UST: variants seen among roughly 807,000 people sequenced by gnomAD.
The protein encoded by UST is uronyl 2-sulfotransferase.
A neutral mutation model predicts 45.6 loss-of-function variants in UST; 21 were observed. The observed-to-expected ratio is 0.46, with a 90% CI of 0.33 to 0.66. The LOEUF is 0.66. UST is among the 30% of genes least tolerant of loss of function. The pLI is 0.02. For missense variants in UST, 463 were observed against 512.4 expected, an observed-to-expected ratio of 0.90 and a Z score of 0.93; for synonymous variants, 215 against 200.6, an observed-to-expected ratio of 1.07 and a Z score of -0.61.
At chr6:148,890,586 A>G (rs1303864857) in intron 2 of UST, among the ~76,000 whole-genome samples, 1 of 152,206 alleles carries the variant, frequency 6.6e-6, no homozygotes, top group Admixed American at 6.5e-5. Flanking sequence ...TAAATGTTCA[A>G]TTTCACAAGT....
chr6:148,862,941 A>G (rs1358531316), intron 1 of UST, among the ~76,000 whole-genome samples: 1 of 151,884 alleles, frequency 6.6e-6, no homozygotes, highest in African/African-American at 2.4e-5. Flanking sequence ...TTTTTCCTTC[A>G]TTTCAACTTT....
At chr6:149,037,785 C>G (rs528735621) in intron 7 of UST, among the ~76,000 whole-genome samples, 1 of 152,296 alleles carries the variant, frequency 6.6e-6, no homozygotes, top group East Asian at 1.9e-4. Context: ...TTATTTTTAT[C>G]GTCATTTACA....
intron 2 of UST, among the ~76,000 whole-genome samples, chr6:148,894,690 T>C (rs1223894413): frequency 5.9e-5 from 9 of 152,130 alleles, no homozygotes; most frequent in African/African-American, 2.4e-5. Flanking sequence ...GCAATGCAAA[T>C]GGATTGAGTT....
At position 148,908,721 on chromosome 6, in the gene UST, A is replaced by G. The variant is rs1035685233; in HGVS notation, c.291+21692A>G. Among the ~76,000 whole-genome samples, 3 of 152,326 alleles carry G rather than the reference A, an allele frequency of 2.0e-5. No homozygotes were observed. The East Asian group carries it at 5.8e-4, about 29-fold the overall frequency. ...TCAGTTATGCAGACAACATATTTTC[A>G]GCTACCTATATCTAGTTCAAAACGT... On this transcript the variant is annotated intron_variant, in intron 2 of 7. Transcript: ENST00000367463.
intron 1 of UST, among the ~76,000 whole-genome samples, chr6:148,849,938 A>G (rs969795924): frequency 6.6e-6 from 1 of 152,138 alleles, no homozygotes; most frequent in African/African-American, 2.4e-5. Flanking sequence ...ATAGTTACAT[A>G]TATATAGTTA....
chr6:149,041,523 C>G (rs1776314723), intron 7 of UST, among the ~76,000 whole-genome samples: 1 of 152,188 alleles, frequency 6.6e-6, no homozygotes, highest in South Asian at 2.1e-4. Flanking sequence ...GAGGGAACCC[C>G]TCTCCTCCAG....
At chr6:148,864,743 A>T (rs777508597) in intron 1 of UST, among the ~76,000 whole-genome samples, 3 of 152,184 alleles carry the variant, frequency 2.0e-5, no homozygotes, top group Non-Finnish European at 2.9e-5. Context: ...GTTTCAGAAA[A>T]TGTCATGATT....
intron 2 of UST, among the ~76,000 whole-genome samples, chr6:148,892,851 T>C (rs536431941): frequency 9.2e-5 from 14 of 152,284 alleles, no homozygotes; most frequent in African/African-American, 3.1e-4. Flanking sequence ...TTTCAAGATA[T>C]AGGAATAATA....
At chr6:148,985,108 A>T (rs1273933009) in intron 5 of UST, among the ~76,000 whole-genome samples, 4 of 152,180 alleles carry the variant, frequency 2.6e-5, no homozygotes, top group African/African-American at 9.7e-5. Flanking sequence ...GGATATGCTG[A>T]GTTTCAGGTG....
intron 2 of UST, among the ~76,000 whole-genome samples, chr6:148,902,105 A>C (rs1405734960): frequency 1.3e-5 from 2 of 152,134 alleles, no homozygotes; most frequent in Admixed American, 1.3e-4. Flanking sequence ...GAAGCTTCTT[A>C]TTCTTCGTGT....
intron 2 of UST, among the ~76,000 whole-genome samples, chr6:148,891,073 A>G (rs1779009322): frequency 6.6e-6 from 1 of 152,188 alleles, no homozygotes; most frequent in Admixed American, 6.5e-5. Context: ...TTATACTTTA[A>G]TGCATAATTT....
Position 148,879,157 on chromosome 6 carries a change from C to T in UST, c.248-7829C>T, listed in dbSNP as rs189226334. ...TGCCCTGTGCCAGCCCACTCCCAGG[C>T]AACCTGTGAGCTAGGCCTGGCCCTT... On this transcript the variant is annotated intron_variant, in intron 1 of 7. Transcript: ENST00000367463. 8.1e-3 allele frequency among the ~76,000 whole-genome samples: 1,231 copies of T among 152,296 alleles called. 24 individuals carry two copies. The highest frequency in any genetic ancestry group is 0.028 in the African/African-American group (1,160 of 41,550).
chr6:148,902,262 T>C (rs771400689), intron 2 of UST, among the ~76,000 whole-genome samples: 1 of 152,162 alleles, frequency 6.6e-6, no homozygotes, highest in East Asian at 1.9e-4. Flanking sequence ...GATTTCACTC[T>C]GTAACCCAGG....
intron 1 of UST, among the ~76,000 whole-genome samples, chr6:148,858,284 A>G (rs1778242661): frequency 6.6e-6 from 1 of 152,170 alleles, no homozygotes; most frequent in Admixed American, 6.5e-5. Context: ...AAGGCCTGAG[A>G]GCCCCTGGAA....
intron 1 of UST, among the ~76,000 whole-genome samples, chr6:148,801,170 T>C (rs1777051938): frequency 2.0e-5 from 3 of 152,144 alleles, no homozygotes; most frequent in South Asian, 2.1e-4. Context: ...AGTTTTGCTG[T>C]GTATTGTGTC....
intron 3 of UST, among the ~76,000 whole-genome samples, chr6:148,946,196 T>C (rs1780231483): frequency 6.6e-6 from 1 of 152,138 alleles, no homozygotes; most frequent in South Asian, 2.1e-4. Flanking sequence ...CCCTAAGGCA[T>C]GGTTAATCGG....
At chr6:148,848,538 A>G (rs1778040622) in intron 1 of UST, among the ~76,000 whole-genome samples, 1 of 151,778 alleles carries the variant, frequency 6.6e-6, no homozygotes, top group Non-Finnish European at 1.5e-5. Flanking sequence ...GGGTGTGGTG[A>G]TGCGTGCCTG....
At chr6:148,933,475 C>T (rs1779960389) in intron 2 of UST, among the ~76,000 whole-genome samples, 1 of 152,104 alleles carries the variant, frequency 6.6e-6, no homozygotes, top group African/African-American at 2.4e-5. Flanking sequence ...GAGAAGAAAG[C>T]CAAAGGTTCA....
chr6:148,834,392 A>G (rs1420892675), intron 1 of UST, among the ~76,000 whole-genome samples: 3 of 152,208 alleles, frequency 2.0e-5, no homozygotes, highest in African/African-American at 7.2e-5. Flanking sequence ...CCAAAGCAGC[A>G]TTATTTCCAA....
Sources: gnomAD v4.1 joint callset for allele counts (sites outside exome capture counted in the v4.1 genomes callset) on GRCh38, gnomAD v4.1.1 for gene constraint, MANE v1.5 for transcripts, NCBI Gene and HGNC (gene_info 2026-07-23, HGNC 2026-07-21) for gene names.